ABI3BP: variants seen among roughly 807,000 people sequenced by gnomAD.
ABI3BP encodes the protein target of Nesh-SH3.
Under a neutral mutation model 268.6 loss-of-function variants are expected in ABI3BP, and 216 were observed. The observed-to-expected ratio is 0.80, with a 90% confidence interval of 0.72 to 0.90. The LOEUF (loss-of-function observed/expected upper bound fraction) is 0.90, where lower values mean the gene tolerates loss of function less well. Ranked by LOEUF, ABI3BP falls within the 40% of genes least tolerant of loss-of-function variation. The pLI, the probability that ABI3BP is intolerant of heterozygous loss-of-function variation, is 0.00. For missense variants in ABI3BP, 2,090 were observed against 2,182.4 expected, an observed-to-expected ratio of 0.96 and a Z score of 0.84; for synonymous variants, 730 against 730.0, an observed-to-expected ratio of 1.00 and a Z score of 0.00.
chr3:100,765,396 G>A (rs916639620), intron 63 of ABI3BP, among the ~76,000 whole-genome samples: 7 of 152,144 alleles, frequency 4.6e-5, no homozygotes, highest in East Asian at 3.8e-4. Context: ...CCTGAGACTA[G>A]TCTGTAGTTA....
At chr3:100,834,125 C>T (rs1473823885) in intron 29 of ABI3BP, among the ~76,000 whole-genome samples, 1 of 152,130 alleles carries the variant, frequency 6.6e-6, no homozygotes, top group Non-Finnish European at 1.5e-5. Context: ...TGCACATCAC[C>T]ATATCTGGCT....
At chr3:100,871,548 G>A (rs759299553) in intron 9 of ABI3BP, among the ~76,000 whole-genome samples, 6 of 152,106 alleles carry the variant, frequency 3.9e-5, no homozygotes, top group African/African-American at 1.4e-4. Context: ...TGCTATTCTC[G>A]TGATAGTGAA....
rs760156604 is a variant in ABI3BP, at chr3:100,894,965, A to AAAAAAAAC, written c.461+3796_461+3797insGTTTTTTT. ...AAAAAAAAAAAAAAAAAAAAAAAAAAAACAGAAAAAAAAAACACAAGATGA... is the reference window on the plus strand; with the variant it reads ...AAAAAAAAAAAAAAAAAAAAAAAAAAAAAAAAACAACAGAAAAAAAAAACACAAGATGA... On this transcript the variant is annotated intron_variant, in intron 4 of 67. Coordinates refer to ENST00000471714, the MANE Select transcript of ABI3BP (RefSeq NM_001375547.2). Among the ~76,000 whole-genome samples, 293 of 120,848 alleles carry AAAAAAAAC rather than the reference A, an allele frequency of 2.4e-3. 16 individuals are homozygous for AAAAAAAAC. The highest frequency in any genetic ancestry group is 4.8e-3 in the Non-Finnish European group (244 of 51,362). The allele number at this position is 120,848 out of a possible 152,430, so 79.3% of individuals were successfully genotyped here. A position where few individuals can be genotyped will look rare whatever the true frequency, so the allele number is the denominator to read the frequency against.
chr3:100,866,871 C>T lies in ABI3BP; in HGVS notation c.988+8G>A. ...TTCTCAAGGTCAACAACATAGCGAT[C>T]TCATTACCTGTTGTGGGTCGTGCTG... On this transcript the variant is annotated splice_region_variant and intron_variant, in intron 10 of 67. Transcript: ENST00000471714. 1.2e-6 allele frequency: 2 copies of T among 1,611,888 alleles called. No individual in the cohort carries two copies. Among genetic ancestry groups the T allele is most frequent in the African/African-American group, 1.3e-5 (1 of 74,954 alleles).
In ABI3BP at chr3:100,889,954, T is replaced by C. The variant is rs548799649; in HGVS notation, c.462-3631A>G. 3.9e-5 allele frequency among the ~76,000 whole-genome samples: 6 copies of C among 152,252 alleles called. No individual in the cohort carries two copies. The East Asian group carries it at 1.2e-3, about 29-fold the overall frequency. The stretch of plus-strand genomic sequence containing the variant: ...CTCAGAGAGGGACTGGACTCCACTA[T>C]CTTTTAGATCCTTTGTTTCTAAAAA... On this transcript the variant is annotated intron_variant, in intron 4 of 67. Coordinates refer to ENST00000471714, the MANE Select transcript of ABI3BP (RefSeq NM_001375547.2).
Position 100,862,426 on chromosome 3 carries a change from T to G in ABI3BP, c.1211-41A>C, listed in dbSNP as rs543429291. ...ATGGAATTTGCTGAAGATTTTTTTT[T>G]TTTTTAACAGGAGAACGAGACAGAA... On this transcript the variant is annotated intron_variant, in intron 13 of 67. Coordinates refer to ENST00000471714, the MANE Select transcript of ABI3BP (RefSeq NM_001375547.2). 21 of 1,441,208 alleles carry G rather than the reference T, an allele frequency of 1.5e-5. No individual in the cohort carries two copies. The African/African-American group carries it at 3.0e-4, about 21-fold the overall frequency. 89.3% of individuals were successfully genotyped at this position (1,441,208 alleles called of 1,614,324 possible). A position where few individuals can be genotyped will look rare whatever the true frequency, so the allele number is the denominator to read the frequency against.
In ABI3BP at chr3:100,993,299, T is replaced by C; in HGVS notation, c.79+7A>G. ...ATTTTTAAAACATAAAACATCAGGC[T>C]ACTTGCCTTTTGGCAATTTCTGTGC... On this transcript the variant is annotated splice_region_variant and intron_variant, in intron 1 of 67. Transcript: ENST00000471714. 1.3e-6 allele frequency: 2 copies of C among 1,535,458 alleles called. No homozygotes were observed. The highest frequency in any genetic ancestry group is 2.4e-5 in the East Asian group (1 of 40,826).
In ABI3BP at chr3:100,975,784, T is replaced by C. The variant is rs1221077634; in HGVS notation, c.79+17522A>G. Among the ~76,000 whole-genome samples, 3 of 151,992 alleles carry C rather than the reference T, an allele frequency of 2.0e-5. No homozygotes were observed. The South Asian group carries it at 6.2e-4, about 32-fold the overall frequency. On this transcript the variant is annotated intron_variant, in intron 1 of 67. Coordinates refer to ENST00000471714, the MANE Select transcript of ABI3BP (RefSeq NM_001375547.2). ...ACAGGGGGCCTTGTGGTTCCCTGAATGATGATACATACTAGTAAATAAAAA... is the reference window on the plus strand; with the variant it reads ...ACAGGGGGCCTTGTGGTTCCCTGAACGATGATACATACTAGTAAATAAAAA...
intron 20 of ABI3BP, chr3:100,843,976 G>A (rs1348500729): frequency 2.0e-6 from 2 of 984,698 alleles, no homozygotes; most frequent in Non-Finnish European, 2.4e-6. Flanking sequence ...GACCAAATAG[G>A]GATAGAACTC....
Position 100,749,619 on chromosome 3 carries a change from C to CATAGT in ABI3BP, c.*871_*875dup. ...TCATAGAGGTCTTAACGTATAAATACATAGTAAATATCCTATAAAATGGTA... is the reference window on the plus strand; with the variant it reads ...TCATAGAGGTCTTAACGTATAAATACATAGTATAGTAAATATCCTATAAAATGGTA... On this transcript the variant is annotated 3_prime_UTR_variant, in exon 68 of 68. Transcript: ENST00000471714. 2 of 398,126 alleles carry CATAGT rather than the reference C, an allele frequency of 5.0e-6. No individual in the cohort carries two copies. Among genetic ancestry groups the CATAGT allele is most frequent in the Non-Finnish European group, 8.9e-6 (2 of 225,656 alleles). 24.7% of individuals were successfully genotyped at this position (398,126 alleles called of 1,614,324 possible). A position where few individuals can be genotyped will look rare whatever the true frequency, so the allele number is the denominator to read the frequency against.
intron 9 of ABI3BP, among the ~76,000 whole-genome samples, chr3:100,871,419 A>C (rs1213478408): frequency 6.6e-6 from 1 of 152,208 alleles, no homozygotes; most frequent in Non-Finnish European, 1.5e-5. Context: ...ACTGGCTATC[A>C]GTCTCTTCAG....
chr3:100,833,093 A>G, intron 30 of ABI3BP, 32 bp downstream of exon 30: 3 of 1,523,108 alleles, frequency 2.0e-6, no homozygotes, highest in Non-Finnish European at 1.8e-6. Context: ...AGTAAGAAAA[A>G]GGACTTGCTG....
intron 43 of ABI3BP, chr3:100,816,215 T>C: frequency 2.0e-6 from 1 of 489,490 alleles, no homozygotes; most frequent in Non-Finnish European, 3.6e-6. Flanking sequence ...GAGGTTTTCC[T>C]AGGTATTTGG....
At chr3:100,943,189 T>G (rs2070330995) in intron 1 of ABI3BP, among the ~76,000 whole-genome samples, 1 of 152,112 alleles carries the variant, frequency 6.6e-6, no homozygotes, top group South Asian at 2.1e-4. Context: ...ACTTGAATTG[T>G]GTAGAGCATA....
At chr3:100,866,103 G>T (rs1405537767) in intron 10 of ABI3BP, among the ~76,000 whole-genome samples, 3 of 152,104 alleles carry the variant, frequency 2.0e-5, no homozygotes, top group African/African-American at 7.2e-5. Context: ...TTTAGTAAAA[G>T]GTACATCATC....
intron 6 of ABI3BP, among the ~76,000 whole-genome samples, chr3:100,881,903 C>T (rs553832900): frequency 5.6e-4 from 85 of 152,130 alleles, no homozygotes; most frequent in Non-Finnish European, 1.1e-3. Flanking sequence ...GTTCTGGGCA[C>T]AATTGCACTG....
chr3:100,956,511 A>T (rs1279235561), intron 1 of ABI3BP, among the ~76,000 whole-genome samples: 1 of 152,188 alleles, frequency 6.6e-6, no homozygotes, highest in Non-Finnish European at 1.5e-5. Flanking sequence ...GACCAGATGG[A>T]GCCTGGGTCT....
In ABI3BP at chr3:100,949,308, T is replaced by C. The variant is rs141170692; in HGVS notation, c.80-22827A>G. ...ACTCTCGCTCTGTCACAGGCTGGAG[T>C]GCAGTGGTGCGATCTTGGCTCACTG... On this transcript the variant is annotated intron_variant, in intron 1 of 67. Coordinates refer to ENST00000471714, the MANE Select transcript of ABI3BP (RefSeq NM_001375547.2). Among the ~76,000 whole-genome samples, 239 of 152,276 alleles carry C rather than the reference T, an allele frequency of 1.6e-3. 1 individual carries two copies. The highest frequency in any genetic ancestry group is 5.2e-3 in the African/African-American group (218 of 41,568).
chr3:100,924,552 T>C (rs2061258336), intron 2 of ABI3BP, among the ~76,000 whole-genome samples: 1 of 152,172 alleles, frequency 6.6e-6, no homozygotes, highest in African/African-American at 2.4e-5. Flanking sequence ...AACAGTGATA[T>C]ATATTCAAGC....
Sources: allele counts gnomAD v4.1 joint callset (sites outside exome capture counted in the v4.1 genomes callset), GRCh38; gene constraint gnomAD v4.1.1; transcripts MANE v1.5; gene names NCBI Gene and HGNC (gene_info 2026-07-23, HGNC 2026-07-21).